The following DLG3 variants were observed in gnomAD, a reference collection of about 807,000 sequenced individuals.
The protein encoded by DLG3 is discs large MAGUK scaffold protein 3, also known as disks large homolog 3.
DLG3 carries 1 observed loss-of-function variant against 64.1 expected under a neutral mutation model. That is an observed-to-expected ratio of 0.02 (90% CI 0.01 to 0.07). The LOEUF (loss-of-function observed/expected upper bound fraction) is 0.07, where lower values mean the gene tolerates loss of function less well. DLG3 is among the 10% of genes least tolerant of loss of function. The pLI is 1.00. For synonymous variants in DLG3, 245 were observed against 259.8 expected, an observed-to-expected ratio of 0.94 and a Z score of 0.55; for missense variants, 429 against 669.5, an observed-to-expected ratio of 0.64 and a Z score of 3.96.
At chrX:70,452,201 G>C in intron 7 of DLG3, 175 bp downstream of exon 7, 1 of 1,084,498 alleles carries the variant, frequency 9.2e-7, no homozygotes. Flanking sequence ...CCTAGAGAGG[G>C]ACAGAAGTGG....
chrX:70,455,100 T>C, intron 9 of DLG3: 18 of 551,606 alleles, frequency 3.3e-5, no homozygotes, highest in Non-Finnish European at 3.8e-5. Context: ...CTTCCCCCCA[T>C]CGCGCGCCTC....
intron 9 of DLG3, among the ~76,000 whole-genome samples, chrX:70,470,387 C>T (rs1036045063): frequency 5.4e-5 from 6 of 110,732 alleles, no homozygotes; most frequent in Non-Finnish European, 9.4e-5. Context: ...TGCACCACCA[C>T]GCCTGGCTAA....
intron 7 of DLG3, chrX:70,452,460 C>A (rs1602873093): frequency 1.0e-6 from 1 of 976,744 alleles, no homozygotes; most frequent in East Asian, 4.4e-5. Flanking sequence ...CGGCCCCGCC[C>A]CGCTGGCGGC....
rs757381664 is a variant in DLG3, at chrX:70,454,090, G to C, written c.1303-124G>C. 18 of 581,844 alleles carry C rather than the reference G, an allele frequency of 3.1e-5. No individual in the cohort carries two copies. In the East Asian group the frequency reaches 6.1e-4, roughly 20 times the overall value. 48.0% of individuals were successfully genotyped at this position (581,844 alleles called of 1,213,427 possible). ...AGGCCTTGTTTTAGGGGCAAGGTTG[G>C]AATATTGGGAAAGGCATCTAAACAG... On this transcript the variant is annotated intron_variant, in intron 8 of 18. Coordinates refer to ENST00000374360, the MANE Select transcript of DLG3 (RefSeq NM_021120.4).
intron 9 of DLG3, among the ~76,000 whole-genome samples, chrX:70,477,630 T>C (rs1291419261): frequency 9.0e-6 from 1 of 111,477 alleles, no homozygotes; most frequent in Non-Finnish European, 1.9e-5. Flanking sequence ...CAACGTTTAA[T>C]GGGTGAGTCA....
chrX:70,458,434 TCTAA>T (rs747281123), intron 9 of DLG3, among the ~76,000 whole-genome samples: 79 of 112,132 alleles, frequency 7.0e-4, no homozygotes, highest in Non-Finnish European at 1.1e-3. Context: ...TTGAGAATGC[TCTAA>T]CTGTGAGATT....
chrX:70,461,856 A>G (rs1040837412), intron 9 of DLG3, among the ~76,000 whole-genome samples: 14 of 111,834 alleles, frequency 1.3e-4, no homozygotes, highest in African/African-American at 4.5e-4. Context: ...CACCATGCCC[A>G]GCCAAGGGCC....
intron 9 of DLG3, among the ~76,000 whole-genome samples, chrX:70,477,264 T>C (rs2087069316): frequency 8.9e-6 from 1 of 112,666 alleles, no homozygotes; most frequent in Admixed American, 9.3e-5. Flanking sequence ...GGGTGTACTT[T>C]TTTGTTCACA....
At chrX:70,500,615 C>G (rs773396078) in intron 17 of DLG3, 35 bp downstream of exon 17, 1 of 1,059,148 alleles carries the variant, frequency 9.4e-7, no homozygotes, top group Non-Finnish European at 1.3e-6. Context: ...ACACACCAAG[C>G]TAAGATCGGG....
chrX:70,493,601 G>T, intron 12 of DLG3: 1 of 568,845 alleles, frequency 1.8e-6, no homozygotes, highest in Non-Finnish European at 3.0e-6. Context: ...GTGTGCGTGT[G>T]CACCTGCTTA....
intron 9 of DLG3, among the ~76,000 whole-genome samples, chrX:70,476,698 T>C (rs769096447): frequency 8.9e-6 from 1 of 112,395 alleles, no homozygotes; most frequent in Non-Finnish European, 1.9e-5. Context: ...TTAACCACCT[T>C]TCTAAGCCCT....
intron 10 of DLG3, among the ~76,000 whole-genome samples, chrX:70,486,614 G>A (rs773997031): frequency 7.3e-5 from 8 of 109,012 alleles, no homozygotes; most frequent in Non-Finnish European, 1.3e-4. Context: ...GTTAATTGCG[G>A]CCTTTCTTTA....
rs73216732 is a variant in DLG3 at position 70,486,669 on chromosome X, T to C, written c.1521-5438T>C. ...CTTTTGCTTTTTTTTTTTTTTTTTT[T>C]CATGCTCACTCTAATTTTGAGTCAG... On this transcript the variant is annotated intron_variant, in intron 10 of 18. Transcript: ENST00000374360. Among the ~76,000 whole-genome samples the C allele has an allele frequency of 1.1e-3, 110 of 102,017 alleles. 1 individual carries two copies. Among genetic ancestry groups the C allele is most frequent in the East Asian group, 7.9e-3 (27 of 3,436 alleles). The allele number at this position is 102,017 out of a possible 115,157, so 88.6% of individuals were successfully genotyped here.
intron 9 of DLG3, among the ~76,000 whole-genome samples, chrX:70,462,118 G>C (rs1424182710): frequency 1.0e-5 from 1 of 96,799 alleles, no homozygotes; most frequent in Non-Finnish European, 2.0e-5. Flanking sequence ...CTTCTGGCCA[G>C]TTCATATAAA....
chrX:70,465,187 C>G (rs187445085), intron 9 of DLG3, among the ~76,000 whole-genome samples: 1 of 111,880 alleles, frequency 8.9e-6, no homozygotes, highest in Admixed American at 9.5e-5. Flanking sequence ...ACAAAAAAGT[C>G]TTGTCAGCCT....
chrX:70,489,562 CA>C (rs1401354470), intron 10 of DLG3, among the ~76,000 whole-genome samples: 3 of 112,027 alleles, frequency 2.7e-5, no homozygotes, highest in African/African-American at 9.7e-5. Flanking sequence ...CTCGGCCTCC[CA>C]AAGTGCTGGG....
intron 10 of DLG3, among the ~76,000 whole-genome samples, chrX:70,486,859 A>G (rs1429555647): frequency 9.1e-6 from 1 of 110,396 alleles, no homozygotes; most frequent in East Asian, 2.8e-4. Context: ...GTGTTGTGGA[A>G]AAAGGTATTC....
At chrX:70,461,441 G>GTTA (rs1368520552) in intron 9 of DLG3, among the ~76,000 whole-genome samples, 1 of 111,924 alleles carries the variant, frequency 8.9e-6, no homozygotes, top group Non-Finnish European at 1.9e-5. Context: ...AGCCAACTAT[G>GTTA]TTATTAGGCA....
chrX:70,495,514 G>A lies in DLG3; in HGVS notation c.1819+61G>A, dbSNP rs1204331562. ...GGCATGAATGGAGATAGTGGGGGTGGGGCTATTGGGGACATGGGTGAGGGT... is the reference window on the plus strand; with the variant it reads ...GGCATGAATGGAGATAGTGGGGGTGAGGCTATTGGGGACATGGGTGAGGGT... On this transcript the variant is annotated intron_variant, in intron 13 of 18. Coordinates refer to ENST00000374360, the MANE Select transcript of DLG3 (RefSeq NM_021120.4). The A allele has an allele frequency of 3.7e-6, 4 of 1,077,122 alleles. No homozygotes were observed. In the East Asian group the frequency reaches 1.2e-4, roughly 32 times the overall value. The allele number at this position is 1,077,122 out of a possible 1,213,427, so 88.8% of individuals were successfully genotyped here. A position where few individuals can be genotyped will look rare whatever the true frequency, so the allele number is the denominator to read the frequency against.
Sources: gnomAD v4.1 joint callset for allele counts (sites outside exome capture counted in the v4.1 genomes callset) on GRCh38, gnomAD v4.1.1 for gene constraint, MANE v1.5 for transcripts, NCBI Gene and HGNC (gene_info 2026-07-23, HGNC 2026-07-21) for gene names.